ZNF362: variants seen among roughly 807,000 people sequenced by gnomAD.
ZNF362 encodes rotund homolog.
Under a neutral mutation model 42.9 loss-of-function variants are expected in ZNF362, and 11 were observed. The ratio of observed to expected loss-of-function variants is 0.26; its 90% CI spans 0.16 to 0.42. The LOEUF (loss-of-function observed/expected upper bound fraction) is 0.42. Among genes scored for constraint, ZNF362 ranks in the 20% least tolerant of loss-of-function variants. The pLI is 1.00. For synonymous variants in ZNF362, 255 were observed against 257.3 expected, an observed-to-expected ratio of 0.99 and a Z score of 0.09; for missense variants, 362 against 576.2, an observed-to-expected ratio of 0.63 and a Z score of 3.81.
chr1:33,196,410 A>G, the ZNF362 span, among the ~76,000 whole-genome samples: 17 of 152,226 alleles, frequency 1.1e-4, no homozygotes, highest in Admixed American at 2.6e-4. Flanking sequence ...ACAAACAAAT[A>G]AAAAACAAAG....
the ZNF362 span, among the ~76,000 whole-genome samples, chr1:33,152,610 G>A: frequency 6.0e-5 from 9 of 150,680 alleles, no homozygotes; most frequent in Non-Finnish European, 1.2e-4. Flanking sequence ...ACCATCTGTC[G>A]ATTCATGATG....
At position 33,299,908 on chromosome 1, in the gene ZNF362, C is replaced by G. The variant is rs1264715888; in HGVS notation, c.*862C>G. 1 of 152,646 alleles carries G rather than the reference C, an allele frequency of 6.6e-6. No individual in the cohort carries two copies. The highest frequency in any genetic ancestry group is 2.4e-5 in the African/African-American group (1 of 41,438). 9.5% of individuals were successfully genotyped at this position (152,646 alleles called of 1,614,324 possible). On this transcript the variant is annotated 3_prime_UTR_variant, in exon 9 of 9. Transcript: ENST00000539719. Reference sequence around the variant, plus strand: ...GTGGGCCTGGATCTGGGACCTCCCTCCAGAATTTCCTCCAGATGGGGGCAG... The same window carrying G: ...GTGGGCCTGGATCTGGGACCTCCCTGCAGAATTTCCTCCAGATGGGGGCAG...
the ZNF362 span, among the ~76,000 whole-genome samples, chr1:33,190,248 A>G: frequency 1.3e-5 from 2 of 152,156 alleles, no homozygotes; most frequent in Non-Finnish European, 2.9e-5. Context: ...TCTCGCCCTT[A>G]GGAACTTCAG....
chr1:33,176,977 G>T, the ZNF362 span, among the ~76,000 whole-genome samples: 1 of 152,134 alleles, frequency 6.6e-6, no homozygotes, highest in Non-Finnish European at 1.5e-5. Context: ...CCTCCACTTT[G>T]CTCAGTGGTC....
chr1:33,262,452 G>A (rs1486967695), intron 1 of ZNF362, among the ~76,000 whole-genome samples: 2 of 151,726 alleles, frequency 1.3e-5, no homozygotes, highest in African/African-American at 4.8e-5. Flanking sequence ...GACTACAGGT[G>A]CCCACCACCA....
At chr1:33,149,044 G>A in the ZNF362 span, among the ~76,000 whole-genome samples, 1 of 152,132 alleles carries the variant, frequency 6.6e-6, no homozygotes. Context: ...TCTGCTTGTT[G>A]CAACCACCCC....
chr1:33,171,779 A>G, the ZNF362 span, among the ~76,000 whole-genome samples: 36 of 152,108 alleles, frequency 2.4e-4, no homozygotes, highest in African/African-American at 8.4e-4. Context: ...GTAAGGTCTT[A>G]TTTTTATTTT....
chr1:33,225,847 A>C, the ZNF362 span, among the ~76,000 whole-genome samples: 1 of 152,214 alleles, frequency 6.6e-6, no homozygotes, highest in East Asian at 1.9e-4. Flanking sequence ...ACAAGCAGAC[A>C]TGAAGATGTC....
At chr1:33,183,038 C>T in the ZNF362 span, among the ~76,000 whole-genome samples, 3 of 152,162 alleles carry the variant, frequency 2.0e-5, no homozygotes, top group Admixed American at 6.5e-5. Context: ...AGGTGTGTAG[C>T]TGAATAACCG....
chr1:33,173,535 C>A, the ZNF362 span, among the ~76,000 whole-genome samples: 180 of 152,170 alleles, frequency 1.2e-3, 1 homozygote, highest in Middle Eastern at 3.4e-3. Flanking sequence ...TCCTGCCACA[C>A]CCTCCCCTCT....
intron 2 of ZNF362, among the ~76,000 whole-genome samples, chr1:33,274,121 G>A (rs531133414): frequency 6.6e-6 from 1 of 152,282 alleles, no homozygotes; most frequent in African/African-American, 2.4e-5. Context: ...TCACCTGTGG[G>A]GTCGCAGCCG....
chr1:33,202,328 G>T, the ZNF362 span, among the ~76,000 whole-genome samples: 1 of 152,194 alleles, frequency 6.6e-6, no homozygotes, highest in African/African-American at 2.4e-5. Context: ...CGGGCGTGGT[G>T]GCTCACGCCT....
At chr1:33,247,909 TTGGGCACTGTGC>T in the ZNF362 span, among the ~76,000 whole-genome samples, 26 of 152,232 alleles carry the variant, frequency 1.7e-4, no homozygotes, top group African/African-American at 6.3e-4. Flanking sequence ...TGGTTGTCTT[TTGGGCACTGTGC>T]TGGGCACTCT....
At chr1:33,268,157 C>T (rs1645877332) in intron 1 of ZNF362, among the ~76,000 whole-genome samples, 1 of 152,202 alleles carries the variant, frequency 6.6e-6, no homozygotes. Context: ...AGAGAACACA[C>T]ATAGCCCCTT....
chr1:33,166,365 C>A, the ZNF362 span: 2 of 149,894 alleles, frequency 1.3e-5, no homozygotes, highest in African/African-American at 4.9e-5. Flanking sequence ...GAAAAATTGT[C>A]TTCCATGAAG....
Position 33,276,463 on chromosome 1 carries a change from C to G in ZNF362, c.218C>G (p.Pro73Arg). The G allele has an allele frequency of 1.3e-6, 2 of 1,552,632 alleles. No homozygotes were observed. Among genetic ancestry groups the G allele is most frequent in the Non-Finnish European group, 1.7e-6 (2 of 1,153,438 alleles). The change falls in exon 4 of 9, where the codon CCG becomes CGG. Residue 73 changes from proline to arginine, a missense_variant. Physicochemically the swap from Pro to Arg is moderately radical, Grantham distance 103 (BLOSUM62 -2). Around this residue, in one of 3 missense-constraint regions of ZNF362, gnomAD observed 266 missense variants for 365.4 expected, o/e 0.73. Transcript: ENST00000539719. ...TCGCAGCAGCCGTTGCTAGTGCCGC[C>G]GGCACCCGCCGAGAGCAGCCAGGCC... ...ASSQQPLLVP[P>R]APAESSQAVM...
At chr1:33,213,425 G>GA in the ZNF362 span, among the ~76,000 whole-genome samples, 9 of 152,054 alleles carry the variant, frequency 5.9e-5, no homozygotes, top group African/African-American at 1.9e-4. Context: ...AAATCAGTTA[G>GA]AAAAAATCCC....
chr1:33,174,975 A>ACC, the ZNF362 span, among the ~76,000 whole-genome samples: 1 of 136,020 alleles, frequency 7.4e-6, no homozygotes, highest in Non-Finnish European at 1.6e-5. Flanking sequence ...ATATACACAC[A>ACC]TATACATATA....
In ZNF362 at chr1:33,299,332, CTG is replaced by C. The variant is rs1646148526; in HGVS notation, c.*288_*289del. On this transcript the variant is annotated 3_prime_UTR_variant, in exon 9 of 9. Transcript: ENST00000539719. ...TGTTCCCCACCCTTCACTTGCTTCA[CTG>C]TTTTTTTTTTTTTCGTTTTTTTTTT... is the stretch of plus-strand genomic sequence containing the variant. 1.2e-5 allele frequency: 2 copies of C among 164,678 alleles called. No homozygotes were observed. The highest frequency in any genetic ancestry group is 5.3e-5 in the African/African-American group (1 of 18,694). 10.2% of individuals were successfully genotyped at this position (164,678 alleles called of 1,614,324 possible).
Sources: gnomAD v4.1 joint callset for allele counts (sites outside exome capture counted in the v4.1 genomes callset) on GRCh38, gnomAD v4.1.1 for gene constraint, gnomAD v4.1.1 regional missense constraint, MANE v1.5 for transcripts, NCBI Gene and HGNC (gene_info 2026-07-23, HGNC 2026-07-21) for gene names.